The following SHROOM2 variants were observed in gnomAD, a reference collection of about 807,000 sequenced individuals.
SHROOM2 encodes shroom family member 2.
In SHROOM2, 33 loss-of-function variants were observed where a neutral mutation model predicts 75.9. The ratio of observed to expected loss-of-function variants is 0.43; its 90% CI spans 0.33 to 0.58. The LOEUF is 0.58. SHROOM2 is among the 20% of genes least tolerant of loss of function. The pLI is 0.04. For missense variants in SHROOM2, 1,434 were observed against 1,461.2 expected (o/e 0.98, Z 0.30); for synonymous variants, 655 against 663.6 (o/e 0.99, Z 0.20).
intron 1 of SHROOM2, among the ~76,000 whole-genome samples, chrX:9,788,381 T>G (rs932097201): frequency 9.9e-5 from 11 of 111,665 alleles, no homozygotes; most frequent in Admixed American, 4.8e-4. Context: ...GGGGATAGCT[T>G]GCATTAAGGT....
At chrX:9,870,856 G>A (rs1181899744) in intron 1 of SHROOM2, among the ~76,000 whole-genome samples, 1 of 112,350 alleles carries the variant, frequency 8.9e-6, no homozygotes, top group Non-Finnish European at 1.9e-5. Flanking sequence ...TTGTATATTC[G>A]TGACTATAAT....
At chrX:9,812,153 G>C (rs1234793909) in intron 1 of SHROOM2, among the ~76,000 whole-genome samples, 2 of 111,899 alleles carry the variant, frequency 1.8e-5, no homozygotes, top group Non-Finnish European at 3.8e-5. Flanking sequence ...GTCTGCAGAA[G>C]ATGGCAGGGC....
At chrX:9,851,922 C>A (rs2084043131) in intron 1 of SHROOM2, among the ~76,000 whole-genome samples, 2 of 112,205 alleles carry the variant, frequency 1.8e-5, no homozygotes, top group African/African-American at 6.5e-5. Flanking sequence ...TAACTGAGAG[C>A]CAAGGATCTT....
At chrX:9,851,896 C>T (rs999940143) in intron 1 of SHROOM2, among the ~76,000 whole-genome samples, 6 of 111,902 alleles carry the variant, frequency 5.4e-5, no homozygotes, top group Non-Finnish European at 1.1e-4. Context: ...AATTGTTGAC[C>T]GTTTAAACTG....
intron 1 of SHROOM2, among the ~76,000 whole-genome samples, chrX:9,848,974 A>G (rs1009695847): frequency 9.0e-6 from 1 of 111,274 alleles, no homozygotes; most frequent in Admixed American, 9.6e-5. Context: ...AAACATTCCC[A>G]CCCCAGAGCG....
chrX:9,935,983 G>A (rs956661989), intron 6 of SHROOM2, among the ~76,000 whole-genome samples: 4 of 111,608 alleles, frequency 3.6e-5, no homozygotes, highest in African/African-American at 1.3e-4. Flanking sequence ...AGAGCAGCAG[G>A]TGCAGGGCTG....
At position 9,836,666 on chromosome X, in the gene SHROOM2, A is replaced by T. The variant is rs1171299202; in HGVS notation, c.166-36986A>T. Among the ~76,000 whole-genome samples, 4 of 109,603 alleles carry T rather than the reference A, an allele frequency of 3.6e-5. No homozygotes were observed. The Admixed American group carries it at 3.9e-4, about 11-fold the overall frequency. On this transcript the variant is annotated intron_variant, in intron 1 of 9. Transcript: ENST00000380913. Reference sequence around the variant, plus strand: ...GGTCTTGAACTCCTGGCCTGAAGCAATCCTCCCATCTCAACCTCCCAAACT... The same window carrying T: ...GGTCTTGAACTCCTGGCCTGAAGCATTCCTCCCATCTCAACCTCCCAAACT...
chrX:9,896,822 T>C (rs1221680450), intron 4 of SHROOM2, 124 bp downstream of exon 4: 4 of 748,589 alleles, frequency 5.3e-6, no homozygotes, highest in Non-Finnish European at 7.5e-6. Context: ...CTTTTCCAGA[T>C]CTCCTAGTGT....
chrX:9,826,107 C>T (rs1032193186), intron 1 of SHROOM2, among the ~76,000 whole-genome samples: 6 of 112,561 alleles, frequency 5.3e-5, no homozygotes, highest in African/African-American at 1.9e-4. Flanking sequence ...CATGGCTTGC[C>T]TGAGGTGGGC....
chrX:9,936,100 C>CT (rs199560073), intron 6 of SHROOM2, among the ~76,000 whole-genome samples: 10,580 of 108,713 alleles, frequency 0.097, 1,458 homozygotes, highest in African/African-American at 0.34. Context: ...CATCCAGAAA[C>CT]TTTTCTTTTT....
At chrX:9,849,804 A>G (rs2084028665) in intron 1 of SHROOM2, among the ~76,000 whole-genome samples, 1 of 112,235 alleles carries the variant, frequency 8.9e-6, no homozygotes, top group Non-Finnish European at 1.9e-5. Flanking sequence ...CAATGAAGAT[A>G]ACACCAGCAG....
At chrX:9,859,535 G>T (rs920329218) in intron 1 of SHROOM2, among the ~76,000 whole-genome samples, 1 of 111,715 alleles carries the variant, frequency 9.0e-6, no homozygotes, top group Non-Finnish European at 1.9e-5. Context: ...GATGTACAGA[G>T]TCCCTTGGTG....
intron 3 of SHROOM2, 114 bp downstream of exon 3, chrX:9,891,222 A>G: frequency 1.1e-6 from 1 of 924,251 alleles, no homozygotes; most frequent in Non-Finnish European, 1.5e-6. Flanking sequence ...ACCGACACAT[A>G]ATCACAGTTG....
chrX:9,843,649 C>T (rs984813609), intron 1 of SHROOM2, among the ~76,000 whole-genome samples: 3 of 112,516 alleles, frequency 2.7e-5, no homozygotes, highest in African/African-American at 6.5e-5. Context: ...GATCCACCTG[C>T]GTCAGCCTCC....
At chrX:9,798,984 G>A (rs1252098563) in intron 1 of SHROOM2, among the ~76,000 whole-genome samples, 4 of 110,165 alleles carry the variant, frequency 3.6e-5, no homozygotes, top group Non-Finnish European at 7.6e-5. Flanking sequence ...TTGGGACGGA[G>A]CCATTTCCAC....
rs777481473 is a variant in SHROOM2 at position 9,894,690 on chromosome X, C to T, written c.782C>T (p.Ser261Leu). 14 of 1,208,763 alleles carry T rather than the reference C, an allele frequency of 1.2e-5. No homozygotes were observed. The highest frequency in any genetic ancestry group is 1.1e-5 in the Non-Finnish European group (10 of 894,287). ...QAQAAGDPQG[S>L]EEKLSCFPPR... ...CAGGCCGCAGGCGACCCTCAGGGCT[C>T]GGAGGAGAAGCTCAGTTGTTTCCCG... is the stretch of plus-strand genomic sequence containing the variant. The change falls in exon 4 of 10, where the codon TCG (serine) becomes TTG (leucine). Residue 261 changes from serine (S) to leucine (L), a missense_variant. Transcript: ENST00000380913.
intron 1 of SHROOM2, among the ~76,000 whole-genome samples, chrX:9,864,626 G>A (rs1312288565): frequency 1.2e-4 from 13 of 107,790 alleles, no homozygotes; most frequent in African/African-American, 4.1e-4. Context: ...AGACCATCCC[G>A]GCTAAAAAAA....
intron 2 of SHROOM2, among the ~76,000 whole-genome samples, chrX:9,888,476 C>A (rs1039902961): frequency 8.9e-6 from 1 of 111,741 alleles, no homozygotes; most frequent in Non-Finnish European, 1.9e-5. Flanking sequence ...CAGGGTCTTG[C>A]TCTGTCCCCC....
intron 4 of SHROOM2, among the ~76,000 whole-genome samples, chrX:9,897,100 A>G (rs2084337178): frequency 8.9e-6 from 1 of 112,345 alleles, no homozygotes; most frequent in Non-Finnish European, 1.9e-5. Flanking sequence ...CCACTTTTCA[A>G]ACACTGATGG....
Sources: gnomAD v4.1 joint callset for allele counts (sites outside exome capture counted in the v4.1 genomes callset) on GRCh38, gnomAD v4.1.1 for gene constraint, MANE v1.5 for transcripts, NCBI Gene and HGNC (gene_info 2026-07-23, HGNC 2026-07-21) for gene names.